The following REST variants were observed in gnomAD, a reference collection of about 807,000 sequenced individuals.
REST encodes the protein RE1 silencing transcription factor.
REST carries 1 observed loss-of-function variant against 30.4 expected under a neutral mutation model. That is an observed-to-expected ratio of 0.03 (90% confidence interval 0.01 to 0.16). REST has a LOEUF of 0.16. Among genes scored for constraint, REST ranks in the 10% least tolerant of loss-of-function variants. The probability of loss-of-function intolerance (pLI) is 1.00; values close to 1 mark genes in which losing one functional copy is unlikely to be tolerated. For missense variants in REST, 1,259 were observed against 1,329.5 expected, an observed-to-expected ratio of 0.95 and a Z score of 0.82; for synonymous variants, 504 against 451.1, an observed-to-expected ratio of 1.12 and a Z score of -1.49.
At chr4:56,919,007 A>G (rs1720328321) in intron 2 of REST, among the ~76,000 whole-genome samples, 1 of 147,160 alleles carries the variant, frequency 6.8e-6, no homozygotes, top group African/African-American at 2.5e-5. Flanking sequence ...TTTAAACGAG[A>G]TGAAGTCTCA....
chr4:56,908,510 C>G (rs996608714), intron 1 of REST, among the ~76,000 whole-genome samples: 7 of 151,972 alleles, frequency 4.6e-5, no homozygotes, highest in Admixed American at 2.6e-4. Flanking sequence ...CCCGGACGCT[C>G]CACCGAGTCA....
chr4:56,917,229 C>G (rs1245091794), intron 2 of REST, among the ~76,000 whole-genome samples: 1 of 152,192 alleles, frequency 6.6e-6, no homozygotes, highest in Non-Finnish European at 1.5e-5. Context: ...CATTCTGTTG[C>G]TACCAACTCT....
At position 56,910,872 on chromosome 4, in the gene REST, G is replaced by T. The variant is rs61748752; in HGVS notation, c.234G>T (p.Pro78=). The T allele has an allele frequency of 9.9e-3, 15,936 of 1,614,090 alleles. 307 individuals carry two copies. The highest frequency in any genetic ancestry group is 8.2e-3 in the Non-Finnish European group (9,692 of 1,179,998). The change falls in exon 2 of 4, where the codon CCG becomes CCT. Residue 78 remains proline, a synonymous_variant. Coordinates refer to ENST00000309042, the MANE Select transcript of REST (RefSeq NM_005612.5). ...GEERQMAELM[P]VGDNNFSDSE... ...AAAGACAGATGGCAGAACTGATGCC[G>T]GTTGGGGATAACAACTTTTCAGATA... is the stretch of plus-strand genomic sequence containing the variant.
rs559203164 is a variant in REST, at chr4:56,935,273, A to G, written c.*3121A>G. The G allele has an allele frequency of 6.6e-6, 1 of 152,296 alleles. No individual in the cohort carries two copies. The highest frequency in any genetic ancestry group is 2.1e-4 in the South Asian group (1 of 4,828). 9.4% of individuals were successfully genotyped at this position (152,296 alleles called of 1,614,324 possible). Reference sequence around the variant, plus strand: ...ATTGATAAGCTGAGGAAGAAAGTTAAGTTTCTTTTTTACATAAGTCAGAAA... The same window carrying G: ...ATTGATAAGCTGAGGAAGAAAGTTAGGTTTCTTTTTTACATAAGTCAGAAA... On this transcript the variant is annotated 3_prime_UTR_variant, in exon 4 of 4. Transcript: ENST00000309042.
Position 56,932,869 on chromosome 4 carries a change from C to A in REST, c.*717C>A, listed in dbSNP as rs1721023751. On this transcript the variant is annotated 3_prime_UTR_variant, in exon 4 of 4. Coordinates refer to ENST00000309042, the MANE Select transcript of REST (RefSeq NM_005612.5). ...ATAGCATTTGTGTTGAACAGTAACACTTTATACATATATATATGCATGTTT... is the reference window on the plus strand; with the variant it reads ...ATAGCATTTGTGTTGAACAGTAACAATTTATACATATATATATGCATGTTT... 6.6e-6 allele frequency: 1 copy of A among 151,806 alleles called. No homozygotes were observed. The highest frequency in any genetic ancestry group is 1.5e-5 in the Non-Finnish European group (1 of 67,990). 9.4% of individuals were successfully genotyped at this position (151,806 alleles called of 1,614,324 possible). A position where few individuals can be genotyped will look rare whatever the true frequency, so the allele number is the denominator to read the frequency against.
intron 3 of REST, among the ~76,000 whole-genome samples, chr4:56,929,325 C>G (rs370556518): frequency 2.6e-5 from 4 of 152,212 alleles, no homozygotes; most frequent in African/African-American, 9.6e-5. Flanking sequence ...CCCACCTTGG[C>G]CTCCCAAAGT....
intron 2 of REST, among the ~76,000 whole-genome samples, chr4:56,916,591 C>T (rs986245462): frequency 8.6e-5 from 13 of 151,904 alleles, no homozygotes; most frequent in African/African-American, 2.4e-4. Context: ...GAGCCAAAAT[C>T]GCGCCACTGC....
intron 3 of REST, among the ~76,000 whole-genome samples, chr4:56,926,199 A>G (rs1201333864): frequency 2.1e-5 from 3 of 145,668 alleles, no homozygotes; most frequent in Admixed American, 6.8e-5. Context: ...AGCTGGGATT[A>G]CAGGCATGCA....
chr4:56,910,899 T>G lies in REST; in HGVS notation c.261T>G (p.Ser87Arg). 6.2e-7 allele frequency: 1 copy of G among 1,614,016 alleles called. No homozygotes were observed. The highest frequency in any genetic ancestry group is 8.5e-7 in the Non-Finnish European group (1 of 1,180,008). Residue 87 changes from serine to arginine, a missense_variant, in exon 2 of 4, where the codon AGT becomes AGG. By Grantham distance (110) the Ser-to-Arg change is moderately radical. Coordinates refer to ENST00000309042, the MANE Select transcript of REST (RefSeq NM_005612.5). ...TTGGGGATAACAACTTTTCAGATAG[T>G]GAAGAAGGAGAAGGACTTGAAGAGT... is the stretch of plus-strand genomic sequence containing the variant. ...MPVGDNNFSD[S>R]EEGEGLEESA...
chr4:56,919,701 C>A, intron 2 of REST, 86 bp from the exon 3 acceptor site: 1 of 719,176 alleles, frequency 1.4e-6, no homozygotes, highest in Non-Finnish European at 2.3e-6. Context: ...ATGTGCTGAG[C>A]GCTGAACATT....
chr4:56,934,267 T>A lies in REST; in HGVS notation c.*2115T>A, dbSNP rs1560455510. On this transcript the variant is annotated 3_prime_UTR_variant, in exon 4 of 4. Transcript: ENST00000309042. ...CATTTTACCTAAGTTACCGTTTACATTGTATAGAAAAAGATACATCTTAAG... is the reference window on the plus strand; with the variant it reads ...CATTTTACCTAAGTTACCGTTTACAATGTATAGAAAAAGATACATCTTAAG... 6.6e-6 allele frequency: 1 copy of A among 152,240 alleles called. No homozygotes were observed. The highest frequency in any genetic ancestry group is 2.1e-4 in the South Asian group (1 of 4,832). 9.4% of individuals were successfully genotyped at this position (152,240 alleles called of 1,614,324 possible). A position where few individuals can be genotyped will look rare whatever the true frequency, so the allele number is the denominator to read the frequency against.
chr4:56,930,963 G>A lies in REST; in HGVS notation c.2105G>A (p.Gly702Glu). 1.9e-6 allele frequency: 3 copies of A among 1,613,768 alleles called. No homozygotes were observed. The highest frequency in any genetic ancestry group is 2.5e-6 in the Non-Finnish European group (3 of 1,179,808). The change falls in exon 4 of 4, where the codon GGG becomes GAG. Residue 702 changes from glycine to glutamate, a missense_variant. Transcript: ENST00000309042. ...GCTCAGACGGAGGTTGCCCAAATGG[G>A]GCCTGCTCCCATGGAACCTGCTCAG... is the stretch of plus-strand genomic sequence containing the variant. ...ETAQTEVAQMGPAPMEPAQME... is the reference protein window; with the variant it reads ...ETAQTEVAQMEPAPMEPAQME...
Position 56,910,946 on chromosome 4 carries a change from C to A in REST, c.308C>A (p.Pro103His). 6.2e-7 allele frequency: 1 copy of A among 1,614,112 alleles called. No individual in the cohort carries two copies. ...LEESADIKGE[P>H]HGLENMELRS... is the part of the protein sequence containing the mutation. ...GAGTCTGCTGATATAAAAGGTGAAC[C>A]TCATGGACTGGAAAACATGGAACTG... is the stretch of plus-strand genomic sequence containing the variant. Residue 103 changes from proline (P) to histidine (H), a missense_variant, in exon 2 of 4, where the codon CCT becomes CAT. By Grantham distance (77) the Pro-to-His change is moderately conservative (BLOSUM62 -2). Coordinates refer to ENST00000309042, the MANE Select transcript of REST (RefSeq NM_005612.5).
chr4:56,935,729 T>C lies in REST; in HGVS notation c.*3577T>C, dbSNP rs936415884. 2.0e-5 allele frequency: 3 copies of C among 152,234 alleles called. No homozygotes were observed. Among genetic ancestry groups the C allele is most frequent in the African/African-American group, 7.2e-5 (3 of 41,458 alleles). The allele number at this position is 152,234 out of a possible 1,614,324, so 9.4% of individuals were successfully genotyped here. ...TCCTTTTTTAAAATCCTAAACCATG[T>C]ACCAAGTTTTTGGTCCAAATTATGT... On this transcript the variant is annotated 3_prime_UTR_variant, in exon 4 of 4. Transcript: ENST00000309042.
intron 3 of REST, among the ~76,000 whole-genome samples, chr4:56,924,619 G>GTT (rs11317856): frequency 8.6e-4 from 127 of 147,084 alleles, no homozygotes; most frequent in African/African-American, 3.0e-3. Context: ...TACCATGCCT[G>GTT]TTTTTTTTTT....
chr4:56,930,489 AAAAG>A lies in REST; in HGVS notation c.1634_1637del (p.Lys545ArgfsTer2). 1.2e-6 allele frequency: 2 copies of A among 1,612,210 alleles called. No individual in the cohort carries two copies. The highest frequency in any genetic ancestry group is 8.5e-7 in the Non-Finnish European group (1 of 1,179,624). On this transcript the variant is annotated frameshift_variant, in exon 4 of 4. Coordinates refer to ENST00000309042, the MANE Select transcript of REST (RefSeq NM_005612.5). LOFTEE classifies it low-confidence loss of function (END_TRUNC). ...GATGAGGAATCTTCAACAAAAAAGAAAAAGAAGGTAGAAAGCAAATCCAAAAATA... is the reference window on the plus strand; with the variant it reads ...GATGAGGAATCTTCAACAAAAAAGAAAAGGTAGAAAGCAAATCCAAAAATA...
chr4:56,929,667 G>A (rs1162341158), intron 3 of REST, among the ~76,000 whole-genome samples, 174 bp from the exon 4 acceptor site: 1 of 152,170 alleles, frequency 6.6e-6, no homozygotes, highest in African/African-American at 2.4e-5. Flanking sequence ...TCTCTTTTGA[G>A]AATCAATGTC....
In REST at chr4:56,930,962, G is replaced by C. The variant is rs1485945984; in HGVS notation, c.2104G>C (p.Gly702Arg). 4 of 1,613,952 alleles carry C rather than the reference G, an allele frequency of 2.5e-6. No individual in the cohort carries two copies. The Admixed American group carries it at 6.7e-5, about 27-fold the overall frequency. ...TGCTCAGACGGAGGTTGCCCAAATG[G>C]GGCCTGCTCCCATGGAACCTGCTCA... Reference protein sequence around the residue: ...ETAQTEVAQMGPAPMEPAQME... With the variant: ...ETAQTEVAQMRPAPMEPAQME... The change falls in exon 4 of 4, where the codon GGG (glycine) becomes CGG (arginine). Residue 702 changes from glycine to arginine, a missense_variant. This residue lies in a region of REST where 856 missense variants were observed against 772.8 expected (regional missense o/e 1.11). Transcript: ENST00000309042.
intron 1 of REST, 49 bp from the exon 2 acceptor site, chr4:56,910,581 A>C (rs1460111959): frequency 6.8e-7 from 1 of 1,466,058 alleles, no homozygotes; most frequent in Non-Finnish European, 9.2e-7. Flanking sequence ...TAAGCCAGTA[A>C]CAGTAGTGTT....
Sources: gnomAD v4.1 joint callset for allele counts (sites outside exome capture counted in the v4.1 genomes callset) on GRCh38, gnomAD v4.1.1 for gene constraint, gnomAD v4.1.1 regional missense constraint, MANE v1.5 for transcripts, NCBI Gene and HGNC (gene_info 2026-07-23, HGNC 2026-07-21) for gene names.